The following CDKAL1 variants were observed in gnomAD, a reference collection of about 807,000 sequenced individuals.
CDKAL1 encodes threonylcarbamoyladenosine tRNA methylthiotransferase.
A neutral mutation model predicts 68.2 loss-of-function variants in CDKAL1; 32 were observed. The ratio of observed to expected loss-of-function variants is 0.47; its 90% CI spans 0.35 to 0.63. The LOEUF is 0.63. CDKAL1 is among the 30% of genes least tolerant of loss of function. The probability of loss-of-function intolerance (pLI) is 0.00; values close to 1 mark genes in which losing one functional copy is unlikely to be tolerated. For missense variants in CDKAL1, 606 were observed against 696.7 expected, an observed-to-expected ratio of 0.87 and a Z score of 1.47; for synonymous variants, 234 against 244.3, an observed-to-expected ratio of 0.96 and a Z score of 0.39.
intron 8 of CDKAL1, among the ~76,000 whole-genome samples, chr6:20,795,094 C>G (rs1188523896): frequency 6.6e-6 from 1 of 152,016 alleles, no homozygotes; most frequent in Non-Finnish European, 1.5e-5. Flanking sequence ...CCTTGTTTTC[C>G]TTTTCTATTC....
At chr6:21,165,931 T>G (rs902720020) in intron 13 of CDKAL1, among the ~76,000 whole-genome samples, 1 of 152,202 alleles carries the variant, frequency 6.6e-6, no homozygotes, top group Admixed American at 6.5e-5. Flanking sequence ...ATTCTGGAAG[T>G]AGACTGCCTG....
chr6:20,598,706 G>A (rs1419739983), intron 4 of CDKAL1, among the ~76,000 whole-genome samples: 2 of 152,112 alleles, frequency 1.3e-5, no homozygotes, highest in African/African-American at 4.8e-5. Flanking sequence ...CATTTAGAAT[G>A]AAGGTAATTA....
intron 12 of CDKAL1, among the ~76,000 whole-genome samples, chr6:21,078,293 T>A (rs1474913917): frequency 6.6e-6 from 1 of 152,238 alleles, no homozygotes; most frequent in Non-Finnish European, 1.5e-5. Flanking sequence ...CAGGGTTTGC[T>A]GTATCACTAG....
At position 20,849,927 on chromosome 6, in the gene CDKAL1, A is replaced by G. The variant is rs1758919537; in HGVS notation, c.742+3749A>G. On this transcript the variant is annotated intron_variant, in intron 9 of 15. Transcript: ENST00000274695. ...TAGTAGCATTGTCTTTTTTCTGCAA[A>G]AGACATTGAGATTTTAATGCTGTTA... Among the ~76,000 whole-genome samples the G allele has an allele frequency of 2.6e-5, 4 of 152,170 alleles. No individual in the cohort carries two copies. The South Asian group carries it at 8.3e-4, about 32-fold the overall frequency.
chr6:20,913,898 G>A (rs1561880360), intron 9 of CDKAL1, among the ~76,000 whole-genome samples: 1 of 152,202 alleles, frequency 6.6e-6, no homozygotes, highest in Admixed American at 6.5e-5. Context: ...GCTGAGGCAG[G>A]AAGGATTGCT....
chr6:20,845,795 T>C (rs6920045), intron 8 of CDKAL1, among the ~76,000 whole-genome samples: 41,719 of 152,056 alleles, frequency 0.27, 6,575 homozygotes, highest in African/African-American at 0.44. Context: ...ATTGTAAGCA[T>C]TTTTAAACTT....
At chr6:20,784,401 A>T (rs970551845) in intron 8 of CDKAL1, among the ~76,000 whole-genome samples, 4 of 63,810 alleles carry the variant, frequency 6.3e-5, no homozygotes, top group African/African-American at 2.2e-4. Context: ...TTTCTTCCAG[A>T]TATTTTATTT....
At chr6:20,975,501 A>G (rs1358423436) in intron 10 of CDKAL1, among the ~76,000 whole-genome samples, 2 of 152,220 alleles carry the variant, frequency 1.3e-5, no homozygotes, top group African/African-American at 4.8e-5. Context: ...TGCTTATTAT[A>G]TATTTCATTC....
intron 15 of CDKAL1, among the ~76,000 whole-genome samples, chr6:21,213,106 CA>C (rs68132850): frequency 0.14 from 21,767 of 152,164 alleles, 1,627 homozygotes; most frequent in East Asian, 0.22. Context: ...CCCTTACGCA[CA>C]TCAGGTCAGA....
chr6:20,693,019 ACTCG>A (rs1324961733), intron 5 of CDKAL1, among the ~76,000 whole-genome samples: 1 of 150,990 alleles, frequency 6.6e-6, no homozygotes, highest in Non-Finnish European at 1.5e-5. Flanking sequence ...AGTCCCAGCT[ACTCG>A]GGAGGCTGAG....
At chr6:20,790,779 C>T (rs1581586750) in intron 8 of CDKAL1, among the ~76,000 whole-genome samples, 1 of 152,102 alleles carries the variant, frequency 6.6e-6, no homozygotes, top group African/African-American at 2.4e-5. Flanking sequence ...AGGGGGTGGT[C>T]CCCCCACCCC....
intron 8 of CDKAL1, among the ~76,000 whole-genome samples, chr6:20,811,257 C>T (rs189282201): frequency 8.2e-4 from 125 of 152,332 alleles, no homozygotes; most frequent in Admixed American, 4.3e-3. Context: ...CATTTCCTAG[C>T]TTTCTCCATC....
intron 9 of CDKAL1, among the ~76,000 whole-genome samples, chr6:20,921,163 G>C (rs1352864897): frequency 2.0e-5 from 3 of 152,208 alleles, no homozygotes; most frequent in Non-Finnish European, 4.4e-5. Flanking sequence ...AGGCACGGTG[G>C]CTCATGCCTG....
intron 13 of CDKAL1, among the ~76,000 whole-genome samples, chr6:21,163,585 G>A (rs1428528178): frequency 3.3e-5 from 5 of 152,110 alleles, no homozygotes; most frequent in Non-Finnish European, 7.4e-5. Flanking sequence ...AACCACAGGC[G>A]TTTGTCAGAT....
intron 5 of CDKAL1, among the ~76,000 whole-genome samples, chr6:20,679,075 T>G (rs555368101): frequency 2.0e-5 from 3 of 152,258 alleles, no homozygotes; most frequent in African/African-American, 4.8e-5. Flanking sequence ...TGGCTAGATT[T>G]ATTTATTGAT....
intron 8 of CDKAL1, among the ~76,000 whole-genome samples, chr6:20,825,974 T>C (rs1318016315): frequency 6.6e-6 from 1 of 152,188 alleles, no homozygotes; most frequent in African/African-American, 2.4e-5. Flanking sequence ...GGAGATTAGC[T>C]ACTTTTTCTT....
chr6:21,143,326 T>G (rs1181684933), intron 13 of CDKAL1, among the ~76,000 whole-genome samples: 2 of 151,922 alleles, frequency 1.3e-5, no homozygotes, highest in African/African-American at 2.4e-5. Flanking sequence ...AGTCTGTAGG[T>G]TTTTTTTCTT....
chr6:20,833,412 G>A (rs907207359), intron 8 of CDKAL1, among the ~76,000 whole-genome samples: 2 of 151,838 alleles, frequency 1.3e-5, no homozygotes, highest in African/African-American at 2.4e-5. Flanking sequence ...AACCATCCTC[G>A]CCACTTCCCT....
intron 4 of CDKAL1, among the ~76,000 whole-genome samples, chr6:20,582,439 A>G (rs1174327260): frequency 6.6e-6 from 1 of 152,198 alleles, no homozygotes; most frequent in Non-Finnish European, 1.5e-5. Context: ...GATAATTTTC[A>G]AATGTAACTC....
Sources: allele counts gnomAD v4.1 joint callset (sites outside exome capture counted in the v4.1 genomes callset), GRCh38; gene constraint gnomAD v4.1.1; transcripts MANE v1.5; gene names NCBI Gene and HGNC (gene_info 2026-07-23, HGNC 2026-07-21).